CPM: variants seen among roughly 807,000 people sequenced by gnomAD.
CPM encodes renal carboxypeptidase.
Under a neutral mutation model 46.4 loss-of-function variants are expected in CPM, and 35 were observed. That is an observed-to-expected ratio of 0.75 (90% CI 0.58 to 1.00). The LOEUF is 1.00. Ranked by LOEUF, CPM falls within the 50% of genes least tolerant of loss-of-function variation. CPM has a pLI of 0.00. For synonymous variants in CPM, 195 were observed against 195.3 expected, an observed-to-expected ratio of 1.00 and a Z score of 0.01; for missense variants, 422 against 530.4, an observed-to-expected ratio of 0.80 and a Z score of 2.01.
At chr12:68,884,550 T>A (rs1886349389) in intron 3 of CPM, among the ~76,000 whole-genome samples, 1 of 152,204 alleles carries the variant, frequency 6.6e-6, no homozygotes, top group African/African-American at 2.4e-5. Context: ...ATGCCACCCA[T>A]ACTATTGCAA....
chr12:68,885,462 G>A (rs1429581896), intron 3 of CPM, among the ~76,000 whole-genome samples: 1 of 152,174 alleles, frequency 6.6e-6, no homozygotes, highest in Non-Finnish European at 1.5e-5. Context: ...ACCAGGAGGT[G>A]GGAAAACTTA....
chr12:68,926,989 G>A (rs1332364935), intron 2 of CPM, among the ~76,000 whole-genome samples: 2 of 152,196 alleles, frequency 1.3e-5, no homozygotes, highest in Non-Finnish European at 2.9e-5. Context: ...TTGGTTCCAA[G>A]TATTTGCTAT....
intron 2 of CPM, among the ~76,000 whole-genome samples, chr12:68,911,519 TGA>T (rs2136292875): frequency 6.6e-6 from 1 of 151,688 alleles, no homozygotes; most frequent in East Asian, 1.9e-4. Context: ...GTAGATTCAT[TGA>T]GATACAGCAG....
intron 1 of CPM, among the ~76,000 whole-genome samples, chr12:68,941,445 C>T (rs750972479): frequency 1.3e-5 from 2 of 151,972 alleles, no homozygotes; most frequent in Non-Finnish European, 2.9e-5. Flanking sequence ...GTGATCACAG[C>T]TCACTGTAGC....
At chr12:68,915,094 G>T (rs563831815) in intron 2 of CPM, among the ~76,000 whole-genome samples, 2 of 152,062 alleles carry the variant, frequency 1.3e-5, no homozygotes, top group African/African-American at 4.8e-5. Context: ...CAAGGACAGC[G>T]AACAGAATGT....
At chr12:68,943,002 G>A (rs115138611) in intron 1 of CPM, among the ~76,000 whole-genome samples, 2,399 of 152,274 alleles carry the variant, frequency 0.016, 60 homozygotes, top group African/African-American at 0.055. Flanking sequence ...ATCAAATGGT[G>A]TCATTTTTTG....
intron 7 of CPM, among the ~76,000 whole-genome samples, chr12:68,864,025 T>A (rs1885323124): frequency 6.6e-6 from 1 of 152,210 alleles, no homozygotes; most frequent in South Asian, 2.1e-4. Context: ...GTTTCATTAT[T>A]AAACCATGTT....
chr12:68,915,889 T>C (rs1887784233), intron 2 of CPM, among the ~76,000 whole-genome samples: 1 of 152,328 alleles, frequency 6.6e-6, no homozygotes, highest in East Asian at 1.9e-4. Context: ...GCCTATAAAA[T>C]GGGAATGTAA....
At chr12:68,842,954 A>G (rs1883918505) in intron 5 of CPM, 1 of 210,800 alleles carries the variant, frequency 4.7e-6, no homozygotes, top group African/African-American at 2.3e-5. Context: ...GCCTGAAATA[A>G]CTGACACTAT....
intron 7 of CPM, among the ~76,000 whole-genome samples, chr12:68,862,503 G>A (rs1885256636): frequency 7.2e-6 from 1 of 139,660 alleles, no homozygotes; most frequent in Non-Finnish European, 1.6e-5. Flanking sequence ...CAAAGTGCTG[G>A]GATTACAGGC....
chr12:68,901,130 G>C (rs562873006), intron 2 of CPM, among the ~76,000 whole-genome samples: 8 of 152,242 alleles, frequency 5.3e-5, no homozygotes, highest in Admixed American at 2.0e-4. Context: ...TTTGGGTACT[G>C]GTTCTTGGGT....
At chr12:68,842,794 CTTTTA>C (rs1592607132) in intron 5 of CPM, 1 of 193,994 alleles carries the variant, frequency 5.2e-6, no homozygotes, top group East Asian at 8.2e-5. Flanking sequence ...CAAATAATAT[CTTTTA>C]TTTTGATTTT....
chr12:68,937,892 A>G (rs902064994), upstream of CPM, among the ~76,000 whole-genome samples: 2 of 152,272 alleles, frequency 1.3e-5, no homozygotes, highest in African/African-American at 4.8e-5. Flanking sequence ...AAAGTGTTAG[A>G]GAGGACCAAT....
At chr12:68,934,649 TAAAGTA>T (rs1888637895), upstream of CPM, among the ~76,000 whole-genome samples, 1 of 151,778 alleles carries the variant, frequency 6.6e-6, no homozygotes, top group African/African-American at 2.4e-5. Context: ...CCCTAGAACT[TAAAGTA>T]TATATAAAGA....
At chr12:68,928,687 C>A (rs1350943108) in intron 2 of CPM, among the ~76,000 whole-genome samples, 3 of 152,010 alleles carry the variant, frequency 2.0e-5, no homozygotes, top group African/African-American at 4.8e-5. Flanking sequence ...TATTATCCCG[C>A]CTACTGTATT....
chr12:68,877,906 T>C (rs1886028987), intron 3 of CPM, among the ~76,000 whole-genome samples: 1 of 152,212 alleles, frequency 6.6e-6, no homozygotes, highest in African/African-American at 2.4e-5. Flanking sequence ...GTAAAACATT[T>C]AGACATGCAA....
chr12:68,889,246 T>C (rs1000790200), intron 2 of CPM, among the ~76,000 whole-genome samples: 2 of 152,208 alleles, frequency 1.3e-5, no homozygotes, highest in African/African-American at 4.8e-5. Flanking sequence ...ATCGTGAACA[T>C]GTTTATATGT....
rs191425288 is a variant in CPM, at chr12:68,887,656, T to C, written c.161-1767A>G. Among the ~76,000 whole-genome samples, 125 of 152,314 alleles carry C rather than the reference T, an allele frequency of 8.2e-4. 1 individual carries two copies. Among genetic ancestry groups the C allele is most frequent in the Non-Finnish European group, 1.3e-3 (87 of 68,034 alleles). ...ATCCAGGCACTGAACCTGGGTCAGA[T>C]TGCACAAATAAGCCACATGCTCTAT... On this transcript the variant is annotated intron_variant, in intron 2 of 8. Transcript: ENST00000551568.
downstream of CPM, chr12:68,850,477 A>G (rs750900474): frequency 6.6e-6 from 1 of 152,134 alleles, no homozygotes; most frequent in Non-Finnish European, 1.5e-5. Context: ...CTACTCAGCA[A>G]TGTCTCATTT....
Sources: allele counts gnomAD v4.1 joint callset (sites outside exome capture counted in the v4.1 genomes callset), GRCh38; gene constraint gnomAD v4.1.1; transcripts MANE v1.5; gene names NCBI Gene and HGNC (gene_info 2026-07-23, HGNC 2026-07-21).